CPQ: variants seen among roughly 807,000 people sequenced by gnomAD.
CPQ encodes Ser-Met dipeptidase.
Under a neutral mutation model 45.7 loss-of-function variants are expected in CPQ, and 37 were observed. That is an observed-to-expected ratio of 0.81 (90% CI 0.62 to 1.07). The LOEUF (loss-of-function observed/expected upper bound fraction) is 1.07, where lower values mean the gene tolerates loss of function less well. CPQ is among the 50% of genes least tolerant of loss of function. The pLI is 0.00. For synonymous variants in CPQ, 186 were observed against 205.8 expected (o/e 0.90, Z 0.82); for missense variants, 537 against 572.9 (o/e 0.94, Z 0.64).
chr8:96,981,037 A>G (rs1021651772), intron 5 of CPQ, among the ~76,000 whole-genome samples: 4 of 152,236 alleles, frequency 2.6e-5, no homozygotes, highest in Non-Finnish European at 5.9e-5. Flanking sequence ...ATAGCTGTTA[A>G]GGTCAATATA....
At chr8:96,809,358 A>G (rs1811129017) in intron 2 of CPQ, among the ~76,000 whole-genome samples, 1 of 152,180 alleles carries the variant, frequency 6.6e-6, no homozygotes, top group Non-Finnish European at 1.5e-5. Context: ...CACCTGCTGA[A>G]TGAGTAAACA....
Position 97,066,916 on chromosome 8 carries a change from C to CTTT in CPQ, c.1255+733_1255+735dup, listed in dbSNP as rs752150876. ...TACAAGCTGGAACAGCTGGAACAGT[C>CTTT]TTTTTTTTTTTTTTTTTTTTTTTTT... On this transcript the variant is annotated intron_variant, in intron 7 of 7. Transcript: ENST00000220763. 1.5e-3 allele frequency among the ~76,000 whole-genome samples: 89 copies of CTTT among 60,398 alleles called. 11 individuals are homozygous for CTTT. The highest frequency in any genetic ancestry group is 4.0e-3 in the African/African-American group (69 of 17,172). 39.6% of individuals were successfully genotyped at this position (60,398 alleles called of 152,430 possible).
chr8:96,803,961 T>A (rs190413247), intron 2 of CPQ, among the ~76,000 whole-genome samples: 26 of 152,220 alleles, frequency 1.7e-4, no homozygotes, highest in Non-Finnish European at 3.8e-4. Flanking sequence ...GATACACAGA[T>A]GAGTCAAATG....
At chr8:96,742,835 C>T (rs1261659960) in intron 1 of CPQ, among the ~76,000 whole-genome samples, 21 of 152,150 alleles carry the variant, frequency 1.4e-4, no homozygotes, top group South Asian at 4.2e-4. Flanking sequence ...GAGTTTCTGC[C>T]GAGAGATCTG....
At chr8:96,826,563 G>A (rs1369225377) in intron 2 of CPQ, among the ~76,000 whole-genome samples, 1 of 151,974 alleles carries the variant, frequency 6.6e-6, no homozygotes, top group African/African-American at 2.4e-5. Flanking sequence ...AGAAGGAGCA[G>A]CTTCCATCTG....
At chr8:97,076,085 G>C (rs565535436) in intron 7 of CPQ, among the ~76,000 whole-genome samples, 3 of 152,154 alleles carry the variant, frequency 2.0e-5, no homozygotes, top group Non-Finnish European at 4.4e-5. Context: ...GAGTGCAGTA[G>C]CACGATCTCA....
intron 7 of CPQ, among the ~76,000 whole-genome samples, chr8:97,097,805 GGAGA>G (rs370633853): frequency 1.9e-4 from 28 of 150,728 alleles, no homozygotes; most frequent in African/African-American, 6.1e-4. Flanking sequence ...GCCCAGACAA[GGAGA>G]GAGAGAGAGA....
chr8:96,873,332 C>T (rs1040510485), intron 3 of CPQ, among the ~76,000 whole-genome samples: 26 of 150,622 alleles, frequency 1.7e-4, no homozygotes, highest in African/African-American at 6.3e-4. Flanking sequence ...TTTTTTAAAC[C>T]TGTGGGAGTT....
At chr8:97,086,709 C>T (rs1321744177) in intron 7 of CPQ, among the ~76,000 whole-genome samples, 1 of 152,156 alleles carries the variant, frequency 6.6e-6, no homozygotes, top group Non-Finnish European at 1.5e-5. Flanking sequence ...TACTAGATCT[C>T]CTCTTCAGTT....
intron 7 of CPQ, among the ~76,000 whole-genome samples, chr8:97,066,660 T>C (rs911056011): frequency 6.6e-6 from 1 of 152,182 alleles, no homozygotes; most frequent in African/African-American, 2.4e-5. Flanking sequence ...ATTAAAACAC[T>C]GTGGTATCTG....
chr8:96,848,489 T>C (rs571171728), intron 3 of CPQ, among the ~76,000 whole-genome samples: 2 of 152,358 alleles, frequency 1.3e-5, no homozygotes, highest in Non-Finnish European at 2.9e-5. Context: ...TTTGTCTGCA[T>C]TTTTTATTTG....
chr8:96,788,302 G>C (rs1395873511), intron 2 of CPQ, among the ~76,000 whole-genome samples: 2 of 151,826 alleles, frequency 1.3e-5, no homozygotes, highest in Non-Finnish European at 2.9e-5. Flanking sequence ...GGGATTACAG[G>C]TGCACACCAC....
intron 1 of CPQ, among the ~76,000 whole-genome samples, chr8:96,710,053 G>A (rs765427798): frequency 6.6e-6 from 1 of 152,022 alleles, no homozygotes; most frequent in Admixed American, 6.6e-5. Flanking sequence ...AAAAATTACT[G>A]ATTCGATGTT....
chr8:96,692,646 G>C (rs1201919500), intron 1 of CPQ, among the ~76,000 whole-genome samples: 1 of 152,184 alleles, frequency 6.6e-6, no homozygotes, highest in Non-Finnish European at 1.5e-5. Context: ...CCCTAATGCA[G>C]ATACAGCTGC....
intron 4 of CPQ, among the ~76,000 whole-genome samples, chr8:96,964,623 A>AG: frequency 6.6e-6 from 1 of 152,244 alleles, no homozygotes; most frequent in East Asian, 1.9e-4. Context: ...TTTAAAAAAA[A>AG]ACACTCTCAC....
At chr8:96,670,146 G>T (rs1808981784) in intron 1 of CPQ, among the ~76,000 whole-genome samples, 1 of 152,046 alleles carries the variant, frequency 6.6e-6, no homozygotes, top group African/African-American at 2.4e-5. Flanking sequence ...CTATGCTTGA[G>T]GCCATTTTAA....
chr8:96,713,766 T>C (rs1487939191), intron 1 of CPQ, among the ~76,000 whole-genome samples: 2 of 152,228 alleles, frequency 1.3e-5, no homozygotes, highest in Non-Finnish European at 2.9e-5. Flanking sequence ...AAGAGGTCTA[T>C]TATGGAGCAT....
chr8:97,053,413 A>G (rs1586516832), intron 6 of CPQ, among the ~76,000 whole-genome samples: 1 of 152,204 alleles, frequency 6.6e-6, no homozygotes, highest in East Asian at 1.9e-4. Flanking sequence ...AGAGGGGAAC[A>G]AGGCAGACTT....
Position 96,789,587 on chromosome 8 carries a change from C to T in CPQ, c.433+4257C>T, listed in dbSNP as rs1810820163. Among the ~76,000 whole-genome samples, 2 of 152,148 alleles carry T rather than the reference C, an allele frequency of 1.3e-5. 1 individual carries two copies. Among genetic ancestry groups the T allele is most frequent in the South Asian group, 4.1e-4 (2 of 4,836 alleles). ...TATGGCTTGGAGTCTGTTATTACAACTTAAGAAGTTTGTTTTTTCCCCCAA... is the reference window on the plus strand; with the variant it reads ...TATGGCTTGGAGTCTGTTATTACAATTTAAGAAGTTTGTTTTTTCCCCCAA... On this transcript the variant is annotated intron_variant, in intron 2 of 7. Coordinates refer to ENST00000220763, the MANE Select transcript of CPQ (RefSeq NM_016134.4).
Sources: gnomAD v4.1 joint callset for allele counts (sites outside exome capture counted in the v4.1 genomes callset) on GRCh38, gnomAD v4.1.1 for gene constraint, MANE v1.5 for transcripts, NCBI Gene and HGNC (gene_info 2026-07-23, HGNC 2026-07-21) for gene names.